The following AKAP9 variants were observed in gnomAD, a reference collection of about 807,000 sequenced individuals.
AKAP9 encodes the protein A-kinase anchoring protein 9, also known as A-kinase anchor protein 9.
Under a neutral mutation model 488.5 loss-of-function variants are expected in AKAP9, and 311 were observed. The observed-to-expected ratio is 0.64, with a 90% CI of 0.58 to 0.70. The LOEUF is 0.70. Among genes scored for constraint, AKAP9 ranks in the 30% least tolerant of loss-of-function variants. AKAP9 has a pLI of 0.00. For synonymous variants in AKAP9, 1,462 were observed against 1,483.5 expected (o/e 0.99, Z 0.33); for missense variants, 4,215 against 4,374.5 (o/e 0.96, Z 1.03).
chr7:91,987,374 G>T (rs181688213), intron 3 of AKAP9, among the ~76,000 whole-genome samples: 1 of 151,878 alleles, frequency 6.6e-6, no homozygotes, highest in African/African-American at 2.4e-5. Context: ...AGCCGAGATA[G>T]TGCCATTGCA....
intron 22 of AKAP9, among the ~76,000 whole-genome samples, chr7:92,058,803 CAT>C (rs1239580746): frequency 6.6e-6 from 1 of 151,960 alleles, no homozygotes; most frequent in Non-Finnish European, 1.5e-5. Flanking sequence ...TGTTTACAAT[CAT>C]ATGTTATATT....
At chr7:91,946,653 G>A (rs1791487078) in intron 1 of AKAP9, among the ~76,000 whole-genome samples, 1 of 152,080 alleles carries the variant, frequency 6.6e-6, no homozygotes, top group Admixed American at 6.5e-5. Context: ...AGATTATAGG[G>A]GTGACCCACT....
intron 14 of AKAP9, among the ~76,000 whole-genome samples, chr7:92,023,921 G>A (rs1395274151): frequency 6.6e-6 from 1 of 151,984 alleles, no homozygotes; most frequent in Non-Finnish European, 1.5e-5. Context: ...ATACATGCCT[G>A]GCCAACACCC....
intron 1 of AKAP9, among the ~76,000 whole-genome samples, chr7:91,948,329 T>G (rs1310088360): frequency 6.6e-6 from 1 of 152,190 alleles, no homozygotes; most frequent in Non-Finnish European, 1.5e-5. Context: ...GGTAGTTATA[T>G]TTCAACTTTT....
intron 1 of AKAP9, among the ~76,000 whole-genome samples, chr7:91,948,766 C>T (rs1202072538): frequency 6.6e-6 from 1 of 152,056 alleles, no homozygotes; most frequent in Non-Finnish European, 1.5e-5. Flanking sequence ...CATCCACCAC[C>T]ATGCCCGATT....
chr7:91,970,349 A>C, intron 1 of AKAP9: 1 of 327,260 alleles, frequency 3.1e-6, no homozygotes, highest in South Asian at 2.7e-5. Context: ...TAGAGTTATG[A>C]GTGGGCGCTA....
At chr7:91,956,541 T>C (rs1793039733) in intron 1 of AKAP9, among the ~76,000 whole-genome samples, 1 of 152,234 alleles carries the variant, frequency 6.6e-6, no homozygotes, top group Non-Finnish European at 1.5e-5. Context: ...CTTTGGCATC[T>C]GTATCTTGGT....
intron 4 of AKAP9, among the ~76,000 whole-genome samples, chr7:91,992,461 C>T (rs180895924): frequency 1.9e-3 from 290 of 152,016 alleles, no homozygotes; most frequent in African/African-American, 6.5e-3. Flanking sequence ...ATAAGGAGTT[C>T]GAGACCAGCC....
chr7:91,988,201 A>G (rs1797333351), intron 3 of AKAP9, among the ~76,000 whole-genome samples: 1 of 150,686 alleles, frequency 6.6e-6, no homozygotes, highest in Non-Finnish European at 1.5e-5. Context: ...AAGATATGTC[A>G]TACTGTAAGA....
intron 8 of AKAP9, among the ~76,000 whole-genome samples, chr7:92,006,976 C>T (rs1335693941): frequency 6.6e-6 from 1 of 151,972 alleles, no homozygotes; most frequent in Non-Finnish European, 1.5e-5. Context: ...ATCTCTAATG[C>T]CTAGAATAAT....
In AKAP9 at chr7:91,995,671, A is replaced by G; in HGVS notation, c.801A>G (p.Lys267=). 6.2e-7 allele frequency: 1 copy of G among 1,614,194 alleles called. No individual in the cohort carries two copies. The change falls in exon 7 of 50, where the codon AAA becomes AAG. Residue 267 remains lysine (K), a synonymous_variant. Transcript: ENST00000356239. ...CAGCTGCAGACTTACTACAAGCCAA[A>G]CAACAGATCCTCACTCATCAACAGC... ...SSTAADLLQA[K]QQILTHQQQL...
Position 92,065,263 on chromosome 7 carries a change from G to A in AKAP9, c.6010G>A (p.Glu2004Lys). 1 of 1,611,628 alleles carries A rather than the reference G, an allele frequency of 6.2e-7. No homozygotes were observed. The highest frequency in any genetic ancestry group is 8.5e-7 in the Non-Finnish European group (1 of 1,178,834). The change falls in exon 25 of 50, where the codon GAA becomes AAA. Residue 2004 changes from glutamate (E) to lysine (K), a missense_variant. Physicochemically the swap from Glu to Lys is moderately conservative, Grantham distance 56. This residue lies in a region of AKAP9 where 2,361 missense variants were observed against 2,430.0 expected (regional missense o/e 0.97). Transcript: ENST00000356239. The stretch of plus-strand genomic sequence containing the variant: ...ACAGGAGACAGAAAAATTAATGAAG[G>A]AAAAACTAGAAGTACAATGTCAAGC... ...LLQETEKLMK[E>K]KLEVQCQAEK...
intron 1 of AKAP9, among the ~76,000 whole-genome samples, chr7:91,968,099 G>A (rs1297680693): frequency 6.6e-6 from 1 of 152,020 alleles, no homozygotes; most frequent in Non-Finnish European, 1.5e-5. Flanking sequence ...CACCATGCCT[G>A]GCTAATTTTT....
At position 91,995,663 on chromosome 7, in the gene AKAP9, C is replaced by G. The variant is rs1798307146; in HGVS notation, c.793C>G (p.Gln265Glu). Residue 265 changes from glutamine to glutamate, a missense_variant, in exon 7 of 50, where the codon CAA becomes GAA. Gln to Glu is a conservative substitution (Grantham distance 29). Coordinates refer to ENST00000356239, the MANE Select transcript of AKAP9 (RefSeq NM_005751.5). ...THSSTAADLL[Q>E]AKQQILTHQQ... ...TAGTAGCACAGCTGCAGACTTACTACAAGCCAAACAACAGATCCTCACTCA... is the reference window on the plus strand; with the variant it reads ...TAGTAGCACAGCTGCAGACTTACTAGAAGCCAAACAACAGATCCTCACTCA... 1 of 1,614,026 alleles carries G rather than the reference C, an allele frequency of 6.2e-7. No individual in the cohort carries two copies. Among genetic ancestry groups the G allele is most frequent in the African/African-American group, 1.3e-5 (1 of 74,932 alleles).
At chr7:91,978,399 A>C (rs1038246990) in intron 2 of AKAP9, among the ~76,000 whole-genome samples, 11 of 152,206 alleles carry the variant, frequency 7.2e-5, no homozygotes, top group African/African-American at 2.7e-4. Flanking sequence ...TAGAATTTCC[A>C]TAGGTGTAGA....
At chr7:91,986,888 A>G (rs1177765958) in intron 3 of AKAP9, among the ~76,000 whole-genome samples, 1 of 151,604 alleles carries the variant, frequency 6.6e-6, no homozygotes, top group Non-Finnish European at 1.5e-5. Context: ...AATTTCATAT[A>G]TATACATATA....
chr7:91,995,739 A>G lies in AKAP9; in HGVS notation c.869A>G (p.Lys290Arg), dbSNP rs752014250. The stretch of plus-strand genomic sequence containing the variant: ...CACTTATTAGAAGATTATCAGAAAA[A>G]GAAAGAAGACTTCACAATGCAAATT... The part of the protein sequence containing the change: ...QDHLLEDYQK[K>R]KEDFTMQISF... The change falls in exon 7 of 50, where the codon AAG (lysine) becomes AGG (arginine). Residue 290 changes from lysine to arginine, a missense_variant. By Grantham distance (26) the Lys-to-Arg change is conservative. This residue lies in a region of AKAP9 where 2,361 missense variants were observed against 2,430.0 expected (regional missense o/e 0.97). Coordinates refer to ENST00000356239, the MANE Select transcript of AKAP9 (RefSeq NM_005751.5). 2 of 1,613,252 alleles carry G rather than the reference A, an allele frequency of 1.2e-6. No individual in the cohort carries two copies. The highest frequency in any genetic ancestry group is 1.7e-6 in the Non-Finnish European group (2 of 1,179,330).
intron 24 of AKAP9, among the ~76,000 whole-genome samples, chr7:92,064,425 G>A (rs1178501962): frequency 6.6e-6 from 1 of 151,902 alleles, no homozygotes; most frequent in Non-Finnish European, 1.5e-5. Context: ...AACACATAGT[G>A]CTTACCATAC....
At chr7:91,988,231 C>T (rs1562940033) in intron 3 of AKAP9, among the ~76,000 whole-genome samples, 1 of 139,262 alleles carries the variant, frequency 7.2e-6, no homozygotes. Flanking sequence ...TTTCCAAAAA[C>T]TTGAGCCCAG....
Sources: allele counts gnomAD v4.1 joint callset (sites outside exome capture counted in the v4.1 genomes callset), GRCh38; gene constraint gnomAD v4.1.1; regional missense constraint gnomAD v4.1.1; transcripts MANE v1.5; gene names NCBI Gene and HGNC (gene_info 2026-07-23, HGNC 2026-07-21).